PARVA: variants seen among roughly 807,000 people sequenced by gnomAD.
The protein encoded by PARVA is parvin alpha.
PARVA carries 25 observed loss-of-function variants against 52.6 expected under a neutral mutation model. That is an observed-to-expected ratio of 0.48 (90% CI 0.35 to 0.66). The LOEUF (loss-of-function observed/expected upper bound fraction) is 0.66. Ranked by LOEUF, PARVA falls within the 30% of genes least tolerant of loss-of-function variation. PARVA has a pLI of 0.01. For missense variants in PARVA, 373 were observed against 450.9 expected (o/e 0.83, Z 1.56); for synonymous variants, 185 against 179.1 (o/e 1.03, Z -0.26).
chr11:12,508,466 G>A, intron 6 of PARVA, 118 bp from the exon 7 acceptor site: 1 of 769,262 alleles, frequency 1.3e-6, no homozygotes, highest in African/African-American at 1.7e-5. Flanking sequence ...TATCTTGGGT[G>A]CATTTCTTAA....
chr11:12,379,571 C>A (rs182724373), intron 1 of PARVA, among the ~76,000 whole-genome samples: 11 of 151,898 alleles, frequency 7.2e-5, no homozygotes, highest in Non-Finnish European at 1.3e-4. Context: ...TCTCTTCCCC[C>A]CTAAAAAATG....
At chr11:12,475,022 C>T (rs567698391) in intron 3 of PARVA, among the ~76,000 whole-genome samples, 10 of 152,040 alleles carry the variant, frequency 6.6e-5, no homozygotes, top group Non-Finnish European at 1.5e-4. Flanking sequence ...ATACACGGTT[C>T]CCCTGTGCAA....
At chr11:12,510,941 T>C (rs2135075305) in intron 7 of PARVA, among the ~76,000 whole-genome samples, 1 of 152,308 alleles carries the variant, frequency 6.6e-6, no homozygotes, top group African/African-American at 2.4e-5. Flanking sequence ...TTAAAGCTTG[T>C]GCTCTTGATA....
rs186865108 is a variant in PARVA, at chr11:12,501,945, G to A, written c.542-2369G>A. 3.3e-5 allele frequency among the ~76,000 whole-genome samples: 5 copies of A among 152,214 alleles called. No homozygotes were observed. In the East Asian group the frequency reaches 5.8e-4, roughly 18 times the overall value. On this transcript the variant is annotated intron_variant, in intron 5 of 12. Coordinates refer to ENST00000334956, the MANE Select transcript of PARVA (RefSeq NM_018222.5). Reference sequence around the variant, plus strand: ...TATATTTTGCCATTAAAGGGGAGAGGGGTAGCAAATGTTCTTACAACCCTC... The same window carrying A: ...TATATTTTGCCATTAAAGGGGAGAGAGGTAGCAAATGTTCTTACAACCCTC...
chr11:12,460,345 G>C (rs1253895707), intron 1 of PARVA, among the ~76,000 whole-genome samples: 7 of 152,040 alleles, frequency 4.6e-5, no homozygotes, highest in Non-Finnish European at 7.4e-5. Context: ...ACCTCTCTGG[G>C]CCTCATTTTC....
At chr11:12,514,107 C>T in intron 10 of PARVA, 42 bp downstream of exon 10, 1 of 1,506,596 alleles carries the variant, frequency 6.6e-7, no homozygotes, top group Non-Finnish European at 9.2e-7. Flanking sequence ...AGGGCCCTGC[C>T]CTACAGCCCC....
Position 12,455,631 on chromosome 11 carries a change from C to G in PARVA, c.137-18114C>G, listed in dbSNP as rs1265059229. On this transcript the variant is annotated intron_variant, in intron 1 of 12. Transcript: ENST00000334956. The stretch of plus-strand genomic sequence containing the variant: ...AGGCTCTTCTCATCTATTTTTTGTT[C>G]TATATATTTTTAGATCTAAAATCAG... Among the ~76,000 whole-genome samples, 3 of 151,900 alleles carry G rather than the reference C, an allele frequency of 2.0e-5. No individual in the cohort carries two copies. In the East Asian group the frequency reaches 5.8e-4, roughly 29 times the overall value.
intron 1 of PARVA, among the ~76,000 whole-genome samples, chr11:12,456,124 C>T (rs1940690233): frequency 6.6e-6 from 1 of 152,172 alleles, no homozygotes; most frequent in Non-Finnish European, 1.5e-5. Flanking sequence ...CATTCTTATT[C>T]CACTAGGTCA....
In PARVA at chr11:12,382,660, A is replaced by AAAC. The variant is rs559766344; in HGVS notation, c.136+4879_136+4881dup. 1.5e-3 allele frequency among the ~76,000 whole-genome samples: 226 copies of AAAC among 152,278 alleles called. 1 individual carries two copies. The highest frequency in any genetic ancestry group is 5.3e-3 in the African/African-American group (221 of 41,542). Reference sequence around the variant, plus strand: ...ATCACTCCTGTGTTTTCATAAGAAAAAACAGTGTTAGAGTCCAAGAGAGAA... The same window carrying AAAC: ...ATCACTCCTGTGTTTTCATAAGAAAAAACAACAGTGTTAGAGTCCAAGAGAGAA... On this transcript the variant is annotated intron_variant, in intron 1 of 12. Coordinates refer to ENST00000334956, the MANE Select transcript of PARVA (RefSeq NM_018222.5).
chr11:12,406,885 T>G (rs916133515), intron 1 of PARVA, among the ~76,000 whole-genome samples: 1 of 152,050 alleles, frequency 6.6e-6, no homozygotes, highest in Non-Finnish European at 1.5e-5. Context: ...TTAGCCAGGA[T>G]CGTCTCGATC....
chr11:12,395,105 A>AAGAAAG (rs1555030351), intron 1 of PARVA, among the ~76,000 whole-genome samples: 11 of 149,000 alleles, frequency 7.4e-5, no homozygotes, highest in African/African-American at 1.5e-4. Flanking sequence ...AAAAAAAAAA[A>AAGAAAG]AAAGAAAGAA....
intron 1 of PARVA, among the ~76,000 whole-genome samples, chr11:12,466,305 T>G (rs1452950366): frequency 7.1e-6 from 1 of 140,396 alleles, no homozygotes; most frequent in Non-Finnish European, 1.5e-5. Flanking sequence ...ATTTATTTAT[T>G]TAGTTGTTTT....
chr11:12,473,626 T>C (rs1940962562), intron 1 of PARVA, 119 bp from the exon 2 acceptor site: 3 of 731,164 alleles, frequency 4.1e-6, no homozygotes, highest in Non-Finnish European at 7.1e-6. Flanking sequence ...GAGTAACAGC[T>C]GTAATCTACC....
chr11:12,416,961 C>A (rs1021412617), intron 1 of PARVA, among the ~76,000 whole-genome samples: 8 of 152,074 alleles, frequency 5.3e-5, no homozygotes, highest in African/African-American at 1.7e-4. Context: ...TTACTAAAGT[C>A]AAAATAAAAT....
chr11:12,429,789 A>G (rs1940290545), intron 1 of PARVA, among the ~76,000 whole-genome samples: 1 of 152,230 alleles, frequency 6.6e-6, no homozygotes, highest in African/African-American at 2.4e-5. Flanking sequence ...GCAGTAGGAT[A>G]TAAATAACTC....
At chr11:12,502,150 CCTT>C (rs1284891564) in intron 5 of PARVA, among the ~76,000 whole-genome samples, 2 of 152,154 alleles carry the variant, frequency 1.3e-5, no homozygotes, top group Non-Finnish European at 2.9e-5. Context: ...AAAATTGAAA[CCTT>C]CTGGAAGGCT....
At chr11:12,382,656 G>GA (rs1366076540) in intron 1 of PARVA, among the ~76,000 whole-genome samples, 1 of 152,030 alleles carries the variant, frequency 6.6e-6, no homozygotes, top group South Asian at 2.1e-4. Context: ...GTTTTCATAA[G>GA]AAAAAACAGT....
chr11:12,473,271 A>T (rs1940957698), intron 1 of PARVA, among the ~76,000 whole-genome samples: 1 of 152,044 alleles, frequency 6.6e-6, no homozygotes. Context: ...AAGCCAGGAG[A>T]GGTGAGAAGT....
chr11:12,508,974 C>G (rs1564866212), intron 7 of PARVA, among the ~76,000 whole-genome samples: 1 of 152,082 alleles, frequency 6.6e-6, no homozygotes, highest in Non-Finnish European at 1.5e-5. Context: ...AAATTGTTAA[C>G]CTTCAAAAGG....
Sources: gnomAD v4.1 joint callset for allele counts (sites outside exome capture counted in the v4.1 genomes callset) on GRCh38, gnomAD v4.1.1 for gene constraint, MANE v1.5 for transcripts, NCBI Gene and HGNC (gene_info 2026-07-23, HGNC 2026-07-21) for gene names.